Variants in PLEKHD1 observed in about 807,000 individuals in gnomAD.
PLEKHD1 encodes the protein pleckstrin homology domain-containing family D member 1.
A neutral mutation model predicts 69.2 loss-of-function variants in PLEKHD1; 51 were observed. That is an observed-to-expected ratio of 0.74 (90% CI 0.59 to 0.93). The LOEUF (loss-of-function observed/expected upper bound fraction) is 0.93. PLEKHD1 is among the 40% of genes least tolerant of loss of function. PLEKHD1 has a pLI of 0.00. For synonymous variants in PLEKHD1, 236 were observed against 244.7 expected (o/e 0.96, Z 0.33); for missense variants, 584 against 641.0 (o/e 0.91, Z 0.96).
At position 69,484,836 on chromosome 14, in the gene PLEKHD1, C is replaced by G. The variant is rs1882616853; in HGVS notation, c.-130C>G. On this transcript the variant is annotated 5_prime_UTR_variant, in exon 1 of 13. Coordinates refer to ENST00000322564, the MANE Select transcript of PLEKHD1 (RefSeq NM_001161498.2). Reference sequence around the variant, plus strand: ...CCAGCGCGCTTTGATGCTGCAGCTCCGGGCCGGGCCGCTCTGCTTCTCTGC... The same window carrying G: ...CCAGCGCGCTTTGATGCTGCAGCTCGGGGCCGGGCCGCTCTGCTTCTCTGC... 2 of 1,134,570 alleles carry G rather than the reference C, an allele frequency of 1.8e-6. No homozygotes were observed. The highest frequency in any genetic ancestry group is 5.3e-5 in the Admixed American group (2 of 37,670). The allele number at this position is 1,134,570 out of a possible 1,614,324, so 70.3% of individuals were successfully genotyped here.
chr14:69,469,087 A>G, the PLEKHD1 span, among the ~76,000 whole-genome samples: 5 of 152,216 alleles, frequency 3.3e-5, no homozygotes, highest in Non-Finnish European at 5.9e-5. Context: ...TAGAGATGGT[A>G]TGGAAGAAAG....
Position 69,485,020 on chromosome 14 carries a change from G to T in PLEKHD1, c.55G>T (p.Asp19Tyr). The T allele has an allele frequency of 6.4e-7, 1 of 1,551,418 alleles. No individual in the cohort carries two copies. Among genetic ancestry groups the T allele is most frequent in the African/African-American group, 1.4e-5 (1 of 73,176 alleles). The change falls in exon 1 of 13, where the codon GAC becomes TAC. Residue 19 changes from aspartate (D) to tyrosine (Y), a missense_variant. Asp to Tyr is a radical substitution (Grantham distance 160). Transcript: ENST00000322564. The part of the protein sequence containing the change: ...VSPSPSLEQA[D>Y]SDALDISTKV... ...GCCCTCGCCGTCCCTGGAGCAGGCT[G>T]ACTCGGACGCCCTGGATATCAGCAC...
intron 6 of PLEKHD1, chr14:69,503,823 C>T (rs532548839): frequency 7.0e-6 from 1 of 143,016 alleles, no homozygotes; most frequent in Non-Finnish European, 1.5e-5. Flanking sequence ...GAGATTGTGC[C>T]ATTGCATTTC....
intron 7 of PLEKHD1, among the ~76,000 whole-genome samples, chr14:69,523,195 G>A (rs61982439): frequency 6.6e-6 from 1 of 152,114 alleles, no homozygotes; most frequent in Non-Finnish European, 1.5e-5. Flanking sequence ...GCCTCCCAAA[G>A]TGTTGGGATT....
Position 69,485,059 on chromosome 14 carries a change from T to A in PLEKHD1, c.94T>A (p.Tyr32Asn). 2 of 1,551,350 alleles carry A rather than the reference T, an allele frequency of 1.3e-6. No individual in the cohort carries two copies. Among genetic ancestry groups the A allele is most frequent in the Non-Finnish European group, 1.7e-6 (2 of 1,146,884 alleles). Residue 32 changes from tyrosine (Y) to asparagine (N), a missense_variant, in exon 1 of 13, where the codon TAC becomes AAC. Coordinates refer to ENST00000322564, the MANE Select transcript of PLEKHD1 (RefSeq NM_001161498.2). Reference sequence around the variant, plus strand: ...GGATATCAGCACCAAAGTGCAGCTCTACGGCGTGCTGTGGAAGAGGCCTTT... The same window carrying A: ...GGATATCAGCACCAAAGTGCAGCTCAACGGCGTGCTGTGGAAGAGGCCTTT... ...ALDISTKVQL[Y>N]GVLWKRPFGR...
the PLEKHD1 span, among the ~76,000 whole-genome samples, chr14:69,472,308 T>G: frequency 7.9e-5 from 12 of 152,246 alleles, no homozygotes; most frequent in Non-Finnish European, 1.8e-4. Flanking sequence ...GTATACTGTT[T>G]ATAATGTAAG....
the PLEKHD1 span, among the ~76,000 whole-genome samples, chr14:69,469,608 C>T: frequency 2.0e-5 from 3 of 151,694 alleles, no homozygotes; most frequent in Non-Finnish European, 2.9e-5. Flanking sequence ...ATGGGGGTCT[C>T]ACTCTGTTGC....
At chr14:69,475,568 A>G in the PLEKHD1 span, among the ~76,000 whole-genome samples, 1 of 152,180 alleles carries the variant, frequency 6.6e-6, no homozygotes, top group African/African-American at 2.4e-5. Context: ...GGCCCTGCTG[A>G]TGAGAACACA....
chr14:69,472,728 G>C, the PLEKHD1 span, among the ~76,000 whole-genome samples: 1 of 152,196 alleles, frequency 6.6e-6, no homozygotes, highest in African/African-American at 2.4e-5. Context: ...GTACCATACA[G>C]CCTAGGTGTG....
At chr14:69,475,742 G>A in the PLEKHD1 span, among the ~76,000 whole-genome samples, 5 of 152,034 alleles carry the variant, frequency 3.3e-5, no homozygotes, top group African/African-American at 7.3e-5. Flanking sequence ...CTAGTCTTCT[G>A]TGCCCACACA....
At chr14:69,484,587 C>G (rs1882609566), upstream of PLEKHD1, 1 of 165,974 alleles carries the variant, frequency 6.0e-6, no homozygotes, top group African/African-American at 2.4e-5. Context: ...TGATTGGCGC[C>G]CGAGGCCGGC....
chr14:69,468,040 C>A, the PLEKHD1 span, among the ~76,000 whole-genome samples: 75,014 of 151,978 alleles, frequency 0.49, 18,813 homozygotes, highest in Middle Eastern at 0.61. Context: ...CCCACTCCTT[C>A]GAGAAATAAA....
At chr14:69,479,025 T>C in the PLEKHD1 span, among the ~76,000 whole-genome samples, 1 of 152,216 alleles carries the variant, frequency 6.6e-6, no homozygotes, top group African/African-American at 2.4e-5. Context: ...CTGGGCAATT[T>C]ACAAAAGAAA....
the PLEKHD1 span, among the ~76,000 whole-genome samples, chr14:69,477,574 T>TTTCCTAGATACTATGGGGGTACAAGCA: frequency 6.6e-6 from 1 of 152,222 alleles, no homozygotes; most frequent in African/African-American, 2.4e-5. Context: ...AGGTTAGTTA[T>TTTCCTAGATACTATGGGGGTACAAGCA]TTCCTAGATA....
At chr14:69,481,120 A>C (rs1367486615), upstream of PLEKHD1, among the ~76,000 whole-genome samples, 1 of 152,180 alleles carries the variant, frequency 6.6e-6, no homozygotes, top group East Asian at 1.9e-4. Flanking sequence ...TGTATGTTCA[A>C]GCCTGGGCAA....
At chr14:69,482,187 T>C (rs1370157381), upstream of PLEKHD1, among the ~76,000 whole-genome samples, 5 of 152,244 alleles carry the variant, frequency 3.3e-5, no homozygotes, top group Admixed American at 1.3e-4. Flanking sequence ...CTCTTTGTCA[T>C]TGAAGAAACC....
At chr14:69,494,257 C>A (rs61982429) in intron 1 of PLEKHD1, among the ~76,000 whole-genome samples, 1,721 of 152,140 alleles carry the variant, frequency 0.011, 36 homozygotes, top group African/African-American at 0.04. Flanking sequence ...TCAAGTTGCA[C>A]GGTGGGGACC....
At chr14:69,513,501 G>A (rs1009502165) in intron 6 of PLEKHD1, among the ~76,000 whole-genome samples, 4 of 152,194 alleles carry the variant, frequency 2.6e-5, no homozygotes, top group Non-Finnish European at 4.4e-5. Context: ...GTCTATGAGT[G>A]GCTGAAGTGT....
chr14:69,501,304 C>A (rs1263471735), intron 4 of PLEKHD1: 1 of 373,190 alleles, frequency 2.7e-6, no homozygotes, highest in Non-Finnish European at 5.0e-6. Flanking sequence ...TCACAGAAAT[C>A]TCCTGCCAAC....
Sources: gnomAD v4.1 joint callset for allele counts (sites outside exome capture counted in the v4.1 genomes callset) on GRCh38, gnomAD v4.1.1 for gene constraint, MANE v1.5 for transcripts, NCBI Gene and HGNC (gene_info 2026-07-23, HGNC 2026-07-21) for gene names.